RPGRIP1: variants seen among roughly 807,000 people sequenced by gnomAD.
The protein encoded by RPGRIP1 is RPGR interacting protein 1.
A neutral mutation model predicts 157.9 loss-of-function variants in RPGRIP1; 128 were observed. The ratio of observed to expected loss-of-function variants is 0.81; its 90% CI spans 0.70 to 0.94. The LOEUF (loss-of-function observed/expected upper bound fraction) is 0.94, where lower values mean the gene tolerates loss of function less well. Ranked by LOEUF, RPGRIP1 falls within the 40% of genes least tolerant of loss-of-function variation. RPGRIP1 has a pLI of 0.00. For missense variants in RPGRIP1, 1,486 were observed against 1,545.8 expected, an observed-to-expected ratio of 0.96 and a Z score of 0.65; for synonymous variants, 554 against 571.6, an observed-to-expected ratio of 0.97 and a Z score of 0.44.
At position 21,324,222 on chromosome 14, in the gene RPGRIP1, C is replaced by T. The variant is rs957686119; in HGVS notation, c.1763-396C>T. On this transcript the variant is annotated intron_variant, in intron 14 of 24. Coordinates refer to ENST00000400017, the MANE Select transcript of RPGRIP1 (RefSeq NM_020366.4). Reference sequence around the variant, plus strand: ...TGTCTGCAACTTGCTATTATCTCCACGGCCAATATACCAAACTTGTAGAAA... The same window carrying T: ...TGTCTGCAACTTGCTATTATCTCCATGGCCAATATACCAAACTTGTAGAAA... 6.5e-5 allele frequency: 20 copies of T among 308,902 alleles called. 1 individual carries two copies. Among genetic ancestry groups the T allele is most frequent in the East Asian group, 2.6e-4 (3 of 11,760 alleles). The allele number at this position is 308,902 out of a possible 1,614,324, so 19.1% of individuals were successfully genotyped here.
chr14:21,349,399 CTTT>C (rs71112577), intron 24 of RPGRIP1, among the ~76,000 whole-genome samples: 6 of 82,008 alleles, frequency 7.3e-5, no homozygotes, highest in Middle Eastern at 7.9e-3. Context: ...TAATTTCTTT[CTTT>C]TTTTTTTTTT....
intron 21 of RPGRIP1, among the ~76,000 whole-genome samples, chr14:21,335,991 G>A (rs890032015): frequency 1.3e-5 from 2 of 152,194 alleles, no homozygotes; most frequent in Non-Finnish European, 2.9e-5. Flanking sequence ...AGAGTGAATT[G>A]ATGATTATGA....
At chr14:21,348,638 T>G (rs1876927113) in intron 24 of RPGRIP1, among the ~76,000 whole-genome samples, 1 of 151,614 alleles carries the variant, frequency 6.6e-6, no homozygotes, top group Non-Finnish European at 1.5e-5. Context: ...CTGATGCCCA[T>G]TCTTTATGTT....
chr14:21,345,961 A>T (rs1885526286), intron 23 of RPGRIP1, among the ~76,000 whole-genome samples: 1 of 151,962 alleles, frequency 6.6e-6, no homozygotes, highest in East Asian at 1.9e-4. Context: ...CTGGGATGAC[A>T]GGTGCACGCC....
chr14:21,343,300 T>C, intron 22 of RPGRIP1, 72 bp downstream of exon 22: 2 of 1,154,078 alleles, frequency 1.7e-6, no homozygotes, highest in Non-Finnish European at 2.5e-6. Flanking sequence ...AGAATTACTC[T>C]GGATTTTTGT....
chr14:21,325,967 A>G lies in RPGRIP1; in HGVS notation c.2504A>G (p.Asp835Gly), dbSNP rs749361825. The change falls in exon 17 of 25, where the codon GAC becomes GGC. Residue 835 changes from aspartate (D) to glycine (G), a missense_variant. By Grantham distance (94) the Asp-to-Gly change is moderately conservative. Coordinates refer to ENST00000400017, the MANE Select transcript of RPGRIP1 (RefSeq NM_020366.4). Reference sequence around the variant, plus strand: ...CGCTTCTTCACCTTTTCTGACCATGACACTGCCATCATTCCAGCCAGTAAC... The same window carrying G: ...CGCTTCTTCACCTTTTCTGACCATGGCACTGCCATCATTCCAGCCAGTAAC... ...VYRFFTFSDH[D>G]TAIIPASNNP... 24 of 1,613,820 alleles carry G rather than the reference A, an allele frequency of 1.5e-5. No homozygotes were observed. The South Asian group carries it at 2.5e-4, about 17-fold the overall frequency.
At chr14:21,342,967 A>G in intron 21 of RPGRIP1, 69 bp from the exon 22 acceptor site, 1 of 1,108,930 alleles carries the variant, frequency 9.0e-7, no homozygotes, top group East Asian at 2.4e-5. Flanking sequence ...TAATGGGTTA[A>G]TTGGATGGCG....
At chr14:21,302,183 A>G (rs868003355) in intron 4 of RPGRIP1, among the ~76,000 whole-genome samples, 4 of 152,178 alleles carry the variant, frequency 2.6e-5, no homozygotes, top group Admixed American at 6.5e-5. Flanking sequence ...GCCACCTGTT[A>G]TGTACTGGGC....
rs557812829 is a variant in RPGRIP1 at position 21,343,389 on chromosome 14, G to A, written c.3532+161G>A. ...CATGTGGTTTAAAAACATCGAATGGGGCTAAACATTTTACATGAAGCAGGC... is the reference window on the plus strand; with the variant it reads ...CATGTGGTTTAAAAACATCGAATGGAGCTAAACATTTTACATGAAGCAGGC... On this transcript the variant is annotated intron_variant, in intron 22 of 24. Transcript: ENST00000400017. Among the ~76,000 whole-genome samples the A allele has an allele frequency of 3.3e-5, 5 of 152,224 alleles. No homozygotes were observed. The East Asian group carries it at 9.6e-4, about 29-fold the overall frequency.
chr14:21,294,413 A>G (rs1880673579), intron 2 of RPGRIP1, among the ~76,000 whole-genome samples: 1 of 151,976 alleles, frequency 6.6e-6, no homozygotes, highest in South Asian at 2.1e-4. Flanking sequence ...TATTTTTAGT[A>G]GAGACCGGGT....
intron 24 of RPGRIP1, among the ~76,000 whole-genome samples, chr14:21,350,813 G>C (rs557561916): frequency 3.6e-4 from 55 of 152,222 alleles, no homozygotes; most frequent in African/African-American, 1.3e-3. Context: ...CATGCCATTT[G>C]TATGTGCACA....
At chr14:21,299,259 G>A in intron 3 of RPGRIP1, among the ~76,000 whole-genome samples, 1 of 151,836 alleles carries the variant, frequency 6.6e-6, no homozygotes, top group South Asian at 2.1e-4. Flanking sequence ...ACCTCAGCCC[G>A]GCAAAGTGCT....
At chr14:21,334,015 C>T (rs1213841119) in intron 20 of RPGRIP1, among the ~76,000 whole-genome samples, 1 of 151,384 alleles carries the variant, frequency 6.6e-6, no homozygotes. Flanking sequence ...CTCTGCCTCC[C>T]GGATTCAAGC....
intron 17 of RPGRIP1, among the ~76,000 whole-genome samples, chr14:21,327,186 A>G (rs1883202236): frequency 6.6e-6 from 1 of 152,226 alleles, no homozygotes; most frequent in Non-Finnish European, 1.5e-5. Flanking sequence ...CCTGTTAATC[A>G]GTGTTACAAA....
At chr14:21,331,002 T>A (rs1883717480) in intron 20 of RPGRIP1, among the ~76,000 whole-genome samples, 1 of 151,774 alleles carries the variant, frequency 6.6e-6, no homozygotes, top group African/African-American at 2.4e-5. Flanking sequence ...CTCTGCCTCC[T>A]GGGTTCAAGC....
At chr14:21,323,164 G>A (rs1318724837) in intron 14 of RPGRIP1, among the ~76,000 whole-genome samples, 1 of 152,156 alleles carries the variant, frequency 6.6e-6, no homozygotes, top group African/African-American at 2.4e-5. Flanking sequence ...GCTCACACCT[G>A]TAATCCCAGC....
intron 20 of RPGRIP1, among the ~76,000 whole-genome samples, chr14:21,330,907 G>A (rs914226269): frequency 6.6e-6 from 1 of 151,426 alleles, no homozygotes; most frequent in Non-Finnish European, 1.5e-5. Context: ...GGATTTTTTT[G>A]TTTTGTTTTG....
chr14:21,310,422 A>G (rs1183788410), intron 7 of RPGRIP1, among the ~76,000 whole-genome samples, 162 bp from the exon 8 acceptor site: 4 of 152,206 alleles, frequency 2.6e-5, no homozygotes, highest in African/African-American at 7.2e-5. Flanking sequence ...TTGGCAAGCT[A>G]GGGCAGGGGA....
rs374670903 is a variant in RPGRIP1, at chr14:21,317,366, C to T, written c.1152-330C>T. 1.6e-4 allele frequency among the ~76,000 whole-genome samples: 25 copies of T among 152,184 alleles called. No individual in the cohort carries two copies. The South Asian group carries it at 5.0e-3, about 30-fold the overall frequency. Reference sequence around the variant, plus strand: ...AAGATTTTGTTCCTCATTTCTAATCCGGCAGGCCTGAGAAGGTCTTGATAC... The same window carrying T: ...AAGATTTTGTTCCTCATTTCTAATCTGGCAGGCCTGAGAAGGTCTTGATAC... On this transcript the variant is annotated intron_variant, in intron 10 of 24. Coordinates refer to ENST00000400017, the MANE Select transcript of RPGRIP1 (RefSeq NM_020366.4).
Sources: allele counts gnomAD v4.1 joint callset (sites outside exome capture counted in the v4.1 genomes callset), GRCh38; gene constraint gnomAD v4.1.1; transcripts MANE v1.5; gene names NCBI Gene and HGNC (gene_info 2026-07-23, HGNC 2026-07-21).